MAPK4: variants seen among roughly 807,000 people sequenced by gnomAD.
MAPK4 encodes the protein mitogen-activated protein kinase 4.
In MAPK4, 22 loss-of-function variants were observed where a neutral mutation model predicts 47.7. The observed-to-expected ratio is 0.46, with a 90% CI of 0.33 to 0.66. The LOEUF is 0.66. Among genes scored for constraint, MAPK4 ranks in the 30% least tolerant of loss-of-function variants. MAPK4 has a pLI of 0.02. For missense variants in MAPK4, 736 were observed against 831.7 expected (o/e 0.88, Z 1.42); for synonymous variants, 390 against 365.7 (o/e 1.07, Z -0.76).
chr18:50,565,414 A>G (rs923863763), intron 1 of MAPK4, among the ~76,000 whole-genome samples: 1 of 152,202 alleles, frequency 6.6e-6, no homozygotes, highest in Non-Finnish European at 1.5e-5. Context: ...TCGGGAAATG[A>G]ATGAAACTCT....
chr18:50,607,949 T>C (rs1442868944), intron 1 of MAPK4, among the ~76,000 whole-genome samples: 1 of 152,224 alleles, frequency 6.6e-6, no homozygotes, highest in Admixed American at 6.5e-5. Flanking sequence ...TTGCAAGAGC[T>C]ACCATTGAAG....
chr18:50,671,889 C>CA (rs745534670), intron 2 of MAPK4, among the ~76,000 whole-genome samples: 3,218 of 104,146 alleles, frequency 0.031, 72 homozygotes, highest in African/African-American at 0.059. Flanking sequence ...GACCCTGACT[C>CA]AAAAAAAAAA....
intron 2 of MAPK4, among the ~76,000 whole-genome samples, chr18:50,698,122 A>G (rs961510002): frequency 1.3e-5 from 2 of 152,204 alleles, no homozygotes; most frequent in African/African-American, 4.8e-5. Flanking sequence ...TGCCCCAAAT[A>G]CTTCTATTTA....
intron 2 of MAPK4, among the ~76,000 whole-genome samples, chr18:50,671,889 C>CAAAA (rs745534670): frequency 1.9e-5 from 2 of 104,234 alleles, no homozygotes; most frequent in Admixed American, 1.0e-4. Flanking sequence ...GACCCTGACT[C>CAAAA]AAAAAAAAAA....
chr18:50,709,273 C>T (rs1414200840), intron 2 of MAPK4, among the ~76,000 whole-genome samples: 1 of 152,182 alleles, frequency 6.6e-6, no homozygotes, highest in Non-Finnish European at 1.5e-5. Context: ...TTTTCTTCTT[C>T]CAAGGAAGTG....
chr18:50,647,402 A>G (rs1479445839), intron 1 of MAPK4, among the ~76,000 whole-genome samples: 1 of 152,218 alleles, frequency 6.6e-6, no homozygotes, highest in East Asian at 1.9e-4. Context: ...TTTGGTAAAC[A>G]ACCCAGATTC....
At chr18:50,656,954 C>G (rs959714848) in intron 1 of MAPK4, among the ~76,000 whole-genome samples, 2 of 152,198 alleles carry the variant, frequency 1.3e-5, no homozygotes, top group African/African-American at 4.8e-5. Flanking sequence ...TAGGGCTTAA[C>G]AGTCTCTCTT....
At chr18:50,717,618 C>T (rs3794898) in intron 3 of MAPK4, among the ~76,000 whole-genome samples, 21,813 of 152,056 alleles carry the variant, frequency 0.14, 1,888 homozygotes, top group South Asian at 0.21. Context: ...TCTAGTATCC[C>T]CTAAGAGCAA....
At chr18:50,606,118 G>C (rs1767386121) in intron 1 of MAPK4, among the ~76,000 whole-genome samples, 1 of 152,080 alleles carries the variant, frequency 6.6e-6, no homozygotes, top group South Asian at 2.1e-4. Context: ...GCACTGCAGA[G>C]GGAATGGGAA....
At chr18:50,672,019 C>G (rs1168533435) in intron 2 of MAPK4, among the ~76,000 whole-genome samples, 1 of 152,246 alleles carries the variant, frequency 6.6e-6, no homozygotes, top group Non-Finnish European at 1.5e-5. Context: ...AAATTCTCTC[C>G]AAGCTGAAAC....
intron 1 of MAPK4, among the ~76,000 whole-genome samples, chr18:50,651,855 A>G (rs573385955): frequency 8.5e-5 from 13 of 152,290 alleles, no homozygotes; most frequent in African/African-American, 3.1e-4. Flanking sequence ...AAGAAACTCA[A>G]AACACATGTG....
At chr18:50,667,022 C>T (rs960946723) in intron 2 of MAPK4, among the ~76,000 whole-genome samples, 10 of 152,214 alleles carry the variant, frequency 6.6e-5, no homozygotes, top group Non-Finnish European at 1.2e-4. Context: ...GATCTGAGGC[C>T]TCTTCCTCTC....
In MAPK4 at chr18:50,671,273, G is replaced by A. The variant is rs117540197; in HGVS notation, c.546+6769G>A. Among the ~76,000 whole-genome samples, 534 of 152,280 alleles carry A rather than the reference G, an allele frequency of 3.5e-3. 2 individuals carry two copies. The highest frequency in any genetic ancestry group is 7.5e-3 in the Admixed American group (115 of 15,296). On this transcript the variant is annotated intron_variant, in intron 2 of 5. Coordinates refer to ENST00000400384, the MANE Select transcript of MAPK4 (RefSeq NM_002747.4). ...GTTTACTGGAAAGCTACACACACCA[G>A]GGACCTAAACCCATAGGAGGACTGT...
intron 1 of MAPK4, among the ~76,000 whole-genome samples, chr18:50,580,924 C>T (rs1555645232): frequency 6.6e-6 from 1 of 152,164 alleles, no homozygotes; most frequent in Non-Finnish European, 1.5e-5. Flanking sequence ...CTGAATTTCC[C>T]TTGGAAACCC....
At chr18:50,612,500 G>A (rs1182274188) in intron 1 of MAPK4, among the ~76,000 whole-genome samples, 1 of 152,202 alleles carries the variant, frequency 6.6e-6, no homozygotes, top group Non-Finnish European at 1.5e-5. Flanking sequence ...CAGGACTTGT[G>A]AGGGCATAGA....
At chr18:50,725,310 G>A (rs150627437) in intron 4 of MAPK4, among the ~76,000 whole-genome samples, 140 of 152,250 alleles carry the variant, frequency 9.2e-4, no homozygotes, top group Middle Eastern at 6.8e-3. Context: ...CTCTGGATTC[G>A]GACCCAGGAG....
In MAPK4 at chr18:50,729,957, G is replaced by A; in HGVS notation, c.*103G>A. On this transcript the variant is annotated 3_prime_UTR_variant, in exon 6 of 6. Coordinates refer to ENST00000400384, the MANE Select transcript of MAPK4 (RefSeq NM_002747.4). ...TTCCCGCCCCTCTCTGCTGCCTTGG[G>A]GTTGGCAGAACACGTGAAGGATCCG... The A allele has an allele frequency of 8.0e-7, 1 of 1,243,742 alleles. No homozygotes were observed. Among genetic ancestry groups the A allele is most frequent in the Non-Finnish European group, 1.1e-6 (1 of 919,140 alleles). The allele number at this position is 1,243,742 out of a possible 1,614,324, so 77.0% of individuals were successfully genotyped here.
intron 2 of MAPK4, among the ~76,000 whole-genome samples, chr18:50,685,779 G>A (rs1399196831): frequency 6.6e-6 from 1 of 152,116 alleles, no homozygotes; most frequent in Non-Finnish European, 1.5e-5. Context: ...TTTGGGAAGA[G>A]AATCCAATGT....
chr18:50,570,986 T>C (rs2042245155), intron 1 of MAPK4, among the ~76,000 whole-genome samples: 1 of 152,068 alleles, frequency 6.6e-6, no homozygotes, highest in Non-Finnish European at 1.5e-5. Flanking sequence ...CCCTGGAAAT[T>C]TTAGAGCTGA....
Sources: gnomAD v4.1 joint callset for allele counts (sites outside exome capture counted in the v4.1 genomes callset) on GRCh38, gnomAD v4.1.1 for gene constraint, MANE v1.5 for transcripts, NCBI Gene and HGNC (gene_info 2026-07-23, HGNC 2026-07-21) for gene names.